Variants in CCDC171 observed in about 807,000 individuals in gnomAD.
CCDC171 encodes the protein coiled-coil domain-containing protein 171.
Under a neutral mutation model 168.2 loss-of-function variants are expected in CCDC171, and 177 were observed. That is an observed-to-expected ratio of 1.05 (90% CI 0.93 to 1.19). The LOEUF is 1.19. Among genes scored for constraint, CCDC171 ranks in the 50% most tolerant of loss-of-function variants. CCDC171 has a pLI of 0.00. For missense variants in CCDC171, 1,991 were observed against 1,539.0 expected, an observed-to-expected ratio of 1.29 and a Z score of -4.91; for synonymous variants, 687 against 540.8, an observed-to-expected ratio of 1.27 and a Z score of -3.75.
At chr9:16,030,905 T>C (rs1328280) in intron 6 of CCDC171, among the ~76,000 whole-genome samples, 56,381 of 152,034 alleles carry the variant, frequency 0.37, 12,293 homozygotes, top group East Asian at 0.63. Flanking sequence ...TGAAGATTAA[T>C]GGACTTCAAA....
chr9:16,034,346 C>T (rs1209865321), intron 6 of CCDC171, among the ~76,000 whole-genome samples: 1 of 152,074 alleles, frequency 6.6e-6, no homozygotes, highest in African/African-American at 2.4e-5. Context: ...ACACATTTGA[C>T]ACACACATTT....
chr9:15,721,028 T>C (rs1162247717), intron 11 of CCDC171, among the ~76,000 whole-genome samples: 1 of 152,230 alleles, frequency 6.6e-6, no homozygotes, highest in Non-Finnish European at 1.5e-5. Flanking sequence ...GAGCTACGTT[T>C]GATCATGTGA....
At chr9:15,790,066 G>T (rs2058175809) in intron 21 of CCDC171, among the ~76,000 whole-genome samples, 1 of 152,162 alleles carries the variant, frequency 6.6e-6, no homozygotes, top group South Asian at 2.1e-4. Context: ...ACATACGTGT[G>T]CATGTGTGTT....
At chr9:15,985,971 A>G (rs1404480958) in intron 3 of CCDC171, among the ~76,000 whole-genome samples, 1 of 152,208 alleles carries the variant, frequency 6.6e-6, no homozygotes, top group East Asian at 1.9e-4. Context: ...ATTATTGGCT[A>G]GTCATAAACT....
At chr9:15,683,974 G>T (rs1163941847) in intron 10 of CCDC171, among the ~76,000 whole-genome samples, 2 of 152,064 alleles carry the variant, frequency 1.3e-5, no homozygotes, top group African/African-American at 2.4e-5. Flanking sequence ...CGTGGAAGTG[G>T]CATAGGTAAA....
intron 25 of CCDC171, among the ~76,000 whole-genome samples, chr9:15,946,856 A>G (rs1252928193): frequency 6.6e-6 from 1 of 152,024 alleles, no homozygotes; most frequent in Non-Finnish European, 1.5e-5. Flanking sequence ...AATGTTGTTT[A>G]GTTAGGTTTC....
chr9:15,640,292 G>T (rs967335618), intron 7 of CCDC171, among the ~76,000 whole-genome samples: 17 of 151,898 alleles, frequency 1.1e-4, no homozygotes, highest in Non-Finnish European at 2.4e-4. Context: ...CTTTTACATG[G>T]CAGTTCCCGT....
At chr9:16,099,575 T>C in the CCDC171 span, among the ~76,000 whole-genome samples, 1 of 152,320 alleles carries the variant, frequency 6.6e-6, no homozygotes, top group Non-Finnish European at 1.5e-5. Flanking sequence ...TAGCGACTTC[T>C]GAAACAAGTC....
At chr9:15,632,287 A>C (rs1227673338) in intron 7 of CCDC171, among the ~76,000 whole-genome samples, 1 of 151,638 alleles carries the variant, frequency 6.6e-6, no homozygotes, top group African/African-American at 2.4e-5. Flanking sequence ...GTCTCAGCCC[A>C]AAATCTCCTT....
chr9:15,868,244 C>T (rs2061873962), intron 23 of CCDC171, among the ~76,000 whole-genome samples: 1 of 151,978 alleles, frequency 6.6e-6, no homozygotes, highest in Non-Finnish European at 1.5e-5. Context: ...TAGTTGCTTA[C>T]CTCCCACTTT....
At chr9:15,774,194 C>T (rs552914108) in intron 18 of CCDC171, among the ~76,000 whole-genome samples, 6 of 137,038 alleles carry the variant, frequency 4.4e-5, no homozygotes, top group Middle Eastern at 4.7e-3. Flanking sequence ...TGCAGTGACC[C>T]GAGATCTCAT....
At chr9:15,835,900 A>C (rs1469786773) in intron 21 of CCDC171, among the ~76,000 whole-genome samples, 1 of 152,162 alleles carries the variant, frequency 6.6e-6, no homozygotes, top group Non-Finnish European at 1.5e-5. Flanking sequence ...GTATATTAAA[A>C]ATAGTATGTT....
chr9:15,734,194 A>T (rs188445446), intron 16 of CCDC171, among the ~76,000 whole-genome samples: 1 of 152,232 alleles, frequency 6.6e-6, no homozygotes, highest in Non-Finnish European at 1.5e-5. Flanking sequence ...ACCCATCTGT[A>T]TACAAATGGA....
At chr9:15,909,144 T>G (rs535973581) in intron 24 of CCDC171, among the ~76,000 whole-genome samples, 1 of 152,144 alleles carries the variant, frequency 6.6e-6, no homozygotes, top group South Asian at 2.1e-4. Context: ...TAACAACTTT[T>G]TGTTGAGAGT....
intron 7 of CCDC171, 62 bp downstream of exon 7, chr9:15,623,475 G>GCGCGCTCACACA: frequency 6.4e-6 from 2 of 311,464 alleles, no homozygotes; most frequent in South Asian, 1.1e-4. Context: ...GCGCGCGCGC[G>GCGCGCTCACACA]CACACACACA....
At chr9:16,060,458 C>A (rs1281078584) in intron 1 of CCDC171, among the ~76,000 whole-genome samples, 2 of 152,216 alleles carry the variant, frequency 1.3e-5, no homozygotes, top group South Asian at 4.1e-4. Context: ...ACAGACCCCC[C>A]AGGCTGGGCC....
At chr9:15,813,331 C>T (rs145628062) in intron 21 of CCDC171, among the ~76,000 whole-genome samples, 3 of 152,286 alleles carry the variant, frequency 2.0e-5, no homozygotes, top group Admixed American at 6.5e-5. Context: ...AACTACAAGA[C>T]GGAACATGTG....
chr9:15,909,131 A>G lies in CCDC171; in HGVS notation c.3601-11139A>G, dbSNP rs546391526. Among the ~76,000 whole-genome samples, 57 of 152,288 alleles carry G rather than the reference A, an allele frequency of 3.7e-4. 1 individual carries two copies. Among genetic ancestry groups the G allele is most frequent in the Admixed American group, 1.9e-3 (29 of 15,282 alleles). ...CTTATCCAATCATATTTCTTTCACT[A>G]TGTAACAACTTTTTGTTGAGAGTAA... On this transcript the variant is annotated intron_variant, in intron 24 of 25. Coordinates refer to ENST00000380701, the MANE Select transcript of CCDC171 (RefSeq NM_173550.4).
At chr9:15,686,284 TCCCAGA>T (rs1438060821) in intron 10 of CCDC171, among the ~76,000 whole-genome samples, 1 of 152,168 alleles carries the variant, frequency 6.6e-6, no homozygotes, top group African/African-American at 2.4e-5. Context: ...TGGGTTTTAA[TCCCAGA>T]CCCTATCTCA....
Sources: allele counts gnomAD v4.1 joint callset (sites outside exome capture counted in the v4.1 genomes callset), GRCh38; gene constraint gnomAD v4.1.1; transcripts MANE v1.5; gene names NCBI Gene and HGNC (gene_info 2026-07-23, HGNC 2026-07-21).